FAM184A: variants seen among roughly 807,000 people sequenced by gnomAD.
FAM184A encodes protein FAM184A.
A neutral mutation model predicts 143.8 loss-of-function variants in FAM184A; 99 were observed. That is an observed-to-expected ratio of 0.69 (90% CI 0.58 to 0.81). The LOEUF (loss-of-function observed/expected upper bound fraction) is 0.81, where lower values mean the gene tolerates loss of function less well. Among genes scored for constraint, FAM184A ranks in the 40% least tolerant of loss-of-function variants. The probability of loss-of-function intolerance (pLI) is 0.00; values close to 1 mark genes in which losing one functional copy is unlikely to be tolerated. For synonymous variants in FAM184A, 427 were observed against 446.4 expected (o/e 0.96, Z 0.55); for missense variants, 1,217 against 1,310.5 (o/e 0.93, Z 1.10).
chr6:118,997,544 A>G (rs1456219313), intron 9 of FAM184A, among the ~76,000 whole-genome samples: 3 of 151,858 alleles, frequency 2.0e-5, no homozygotes, highest in African/African-American at 7.3e-5. Context: ...ACGAAAATTA[A>G]CCAGGCAGTG....
chr6:119,048,901 A>G (rs1238635712), intron 1 of FAM184A, among the ~76,000 whole-genome samples: 2 of 152,216 alleles, frequency 1.3e-5, no homozygotes, highest in Non-Finnish European at 2.9e-5. Flanking sequence ...CATGGATACA[A>G]AGAATCAATA....
chr6:119,062,391 T>G (rs1787293154), intron 1 of FAM184A, among the ~76,000 whole-genome samples: 2 of 152,154 alleles, frequency 1.3e-5, no homozygotes, highest in Non-Finnish European at 2.9e-5. Context: ...TGTCCTGGCA[T>G]GGTGGCTCAC....
chr6:119,011,257 G>A, intron 6 of FAM184A, 52 bp downstream of exon 6: 1 of 1,493,104 alleles, frequency 6.7e-7, no homozygotes, highest in Non-Finnish European at 9.2e-7. Context: ...ACCAGAATAA[G>A]TTATTATTAT....
chr6:119,013,376 C>T (rs1034654378), intron 5 of FAM184A, among the ~76,000 whole-genome samples: 7 of 152,052 alleles, frequency 4.6e-5, no homozygotes, highest in African/African-American at 1.7e-4. Context: ...AGGCTAAAGG[C>T]AGGACATATG....
intron 3 of FAM184A, among the ~76,000 whole-genome samples, chr6:119,021,046 CCCAGGA>C (rs1785428679): frequency 6.6e-6 from 1 of 152,064 alleles, no homozygotes; most frequent in African/African-American, 2.4e-5. Flanking sequence ...TCTCAAAGTA[CCCAGGA>C]CCAGCATCAC....
rs74451366 is a variant in FAM184A at position 119,005,931 on chromosome 6, C to T, written c.1815+516G>A. On this transcript the variant is annotated intron_variant, in intron 7 of 17. Coordinates refer to ENST00000338891, the MANE Select transcript of FAM184A (RefSeq NM_024581.6). ...ACCTCTTACTAGTAAAAGAATTGCACGTTCCAATTGTTATCGGTTGAACTG... is the reference window on the plus strand; with the variant it reads ...ACCTCTTACTAGTAAAAGAATTGCATGTTCCAATTGTTATCGGTTGAACTG... The T allele has an allele frequency of 6.8e-3, 3,771 of 554,632 alleles. 120 individuals are homozygous for T. The highest frequency in any genetic ancestry group is 0.063 in the African/African-American group (3,426 of 53,986). 34.4% of individuals were successfully genotyped at this position (554,632 alleles called of 1,614,324 possible).
At position 119,084,598 on chromosome 6, in the gene FAM184A, A is replaced by G. The variant is rs538620192; in HGVS notation, c.-201-59785T>C. Among the ~76,000 whole-genome samples the G allele has an allele frequency of 1.1e-4, 16 of 152,258 alleles. No individual in the cohort carries two copies. The South Asian group carries it at 3.1e-3, about 30-fold the overall frequency. On this transcript the variant is annotated intron_variant, in intron 1 of 16. Coordinates refer to the FAM184A transcript ENST00000352896. ...AAGCTGCCAGTGGCTCTAACATTCT[A>G]AGGGCTGGAGGATGGCAGCCCTCTT...
At chr6:119,023,368 AT>A (rs1036813039) in intron 2 of FAM184A, among the ~76,000 whole-genome samples, 6 of 152,174 alleles carry the variant, frequency 3.9e-5, no homozygotes, top group East Asian at 1.9e-4. Flanking sequence ...GACTTCCGGC[AT>A]TTTTTTCCCC....
chr6:119,136,075 G>T (rs1434869228), intron 1 of FAM184A, among the ~76,000 whole-genome samples: 1 of 149,018 alleles, frequency 6.7e-6, no homozygotes, highest in South Asian at 2.1e-4. Flanking sequence ...TCAGGAGATC[G>T]AGACCATCCT....
intron 1 of FAM184A, among the ~76,000 whole-genome samples, chr6:119,040,645 G>C (rs769455314): frequency 1.3e-5 from 2 of 152,072 alleles, no homozygotes; most frequent in Non-Finnish European, 2.9e-5. Context: ...AACTAAAATC[G>C]GCTCTTTTCC....
At position 119,059,800 on chromosome 6, in the gene FAM184A, T is replaced by C. The variant is rs1012582798; in HGVS notation, c.159+18341A>G. Reference sequence around the variant, plus strand: ...TACTTCAGATGTTTATAATTATACATGCTTTATTAATGAAAATGGCTATAT... The same window carrying C: ...TACTTCAGATGTTTATAATTATACACGCTTTATTAATGAAAATGGCTATAT... On this transcript the variant is annotated intron_variant, in intron 1 of 17. Transcript: ENST00000338891. 3.9e-5 allele frequency among the ~76,000 whole-genome samples: 6 copies of C among 152,248 alleles called. No individual in the cohort carries two copies. In the South Asian group the frequency reaches 1.2e-3, roughly 32 times the overall value.
intron 1 of FAM184A, among the ~76,000 whole-genome samples, chr6:119,068,758 C>T (rs1211129123): frequency 1.3e-5 from 2 of 152,080 alleles, no homozygotes; most frequent in Non-Finnish European, 2.9e-5. Flanking sequence ...TTTCCTTTTA[C>T]CCGCTCTACC....
intron 11 of FAM184A, among the ~76,000 whole-genome samples, chr6:118,976,667 A>AG: frequency 9.8e-6 from 1 of 101,616 alleles, no homozygotes; most frequent in East Asian, 1.9e-4. Flanking sequence ...CCATCTCAAA[A>AG]AAAAAAAAAA....
upstream of FAM184A, among the ~76,000 whole-genome samples, chr6:119,080,709 G>A (rs118067123): frequency 6.3e-4 from 96 of 152,280 alleles, no homozygotes; most frequent in East Asian, 0.017. Context: ...GTTCCAATGA[G>A]CAGTTCCTCT....
intron 1 of FAM184A, among the ~76,000 whole-genome samples, chr6:119,119,580 G>GAAC: frequency 6.6e-6 from 1 of 152,104 alleles, no homozygotes; most frequent in East Asian, 1.9e-4. Context: ...GTTAGTATAT[G>GAAC]AACACAAAAT....
chr6:119,062,284 C>T (rs1787288947), intron 1 of FAM184A, among the ~76,000 whole-genome samples: 2 of 152,126 alleles, frequency 1.3e-5, no homozygotes, highest in Non-Finnish European at 2.9e-5. Context: ...CACAATAACG[C>T]ACAATACACT....
At chr6:119,016,678 A>G in intron 5 of FAM184A, 69 bp downstream of exon 5, 2 of 1,374,172 alleles carry the variant, frequency 1.5e-6, no homozygotes, top group Non-Finnish European at 2.1e-6. Context: ...AGAACCCACC[A>G]ATTCCGGACA....
intron 1 of FAM184A, among the ~76,000 whole-genome samples, chr6:119,051,009 G>A (rs1786741893): frequency 1.3e-5 from 2 of 152,136 alleles, no homozygotes; most frequent in Admixed American, 1.3e-4. Flanking sequence ...AGGGTGGGAG[G>A]AGGGAAAGGA....
chr6:118,976,145 C>A, intron 11 of FAM184A, 101 bp from the exon 12 acceptor site: 1 of 1,121,310 alleles, frequency 8.9e-7, no homozygotes, highest in Admixed American at 2.5e-5. Context: ...AAAATTAGAA[C>A]ACTTGTGTAT....
Sources: gnomAD v4.1 joint callset for allele counts (sites outside exome capture counted in the v4.1 genomes callset) on GRCh38, gnomAD v4.1.1 for gene constraint, MANE v1.5 for transcripts, NCBI Gene and HGNC (gene_info 2026-07-23, HGNC 2026-07-21) for gene names.